UGT1A9: variants seen among roughly 807,000 people sequenced by gnomAD.
The protein encoded by UGT1A9 is UDP-glucuronosyltransferase 1A9.
A neutral mutation model predicts 45.0 loss-of-function variants in UGT1A9; 35 were observed. The ratio of observed to expected loss-of-function variants is 0.78; its 90% CI spans 0.59 to 1.03. The LOEUF (loss-of-function observed/expected upper bound fraction) is 1.03. UGT1A9 is among the 50% of genes least tolerant of loss of function. The pLI is 0.00. For missense variants in UGT1A9, 687 were observed against 666.6 expected (o/e 1.03, Z -0.34); for synonymous variants, 278 against 250.6 (o/e 1.11, Z -1.03).
Position 233,761,147 on chromosome 2 carries a change from C to A in UGT1A9, c.856-5887C>A. 1.9e-6 allele frequency: 3 copies of A among 1,614,204 alleles called. No individual in the cohort carries two copies. In the South Asian group the frequency reaches 3.3e-5, roughly 18 times the overall value. ...AACTGCCTTCACCAAAATCCACTATCCCAGGTGTGTATTGGAGTGGGACTT... is the reference window on the plus strand; with the variant it reads ...AACTGCCTTCACCAAAATCCACTATACCAGGTGTGTATTGGAGTGGGACTT... On this transcript the variant is annotated intron_variant, in intron 1 of 4. Transcript: ENST00000354728.
In UGT1A9 at chr2:233,724,604, G is replaced by C. The variant is rs1340979109; in HGVS notation, c.856-42430G>C. Among the ~76,000 whole-genome samples the C allele has an allele frequency of 2.3e-5, 3 of 132,728 alleles. 1 individual carries two copies. Among genetic ancestry groups the C allele is most frequent in the Non-Finnish European group, 4.8e-5 (3 of 62,762 alleles). 87.1% of individuals were successfully genotyped at this position (132,728 alleles called of 152,430 possible). On this transcript the variant is annotated intron_variant, in intron 1 of 4. Transcript: ENST00000354728. ...GCTCCCCACATCTCAGACGATGGGCGGCCGGGCAGAGACGCTCCTCACTTC... is the reference window on the plus strand; with the variant it reads ...GCTCCCCACATCTCAGACGATGGGCCGCCGGGCAGAGACGCTCCTCACTTC...
intron 1 of UGT1A9, chr2:233,719,556 G>A (rs1189539975): frequency 1.2e-6 from 2 of 1,613,900 alleles, no homozygotes; most frequent in South Asian, 2.2e-5. Flanking sequence ...GGTGTCAGTG[G>A]TGGATCTTGT....
At position 233,747,675 on chromosome 2, in the gene UGT1A9, T is replaced by A. The variant is rs1693747728; in HGVS notation, c.856-19359T>A. On this transcript the variant is annotated intron_variant, in intron 1 of 4. Transcript: ENST00000354728. ...CGATGTGGTTTTAATAGACCCAATTTACCTCTGTGGGGCAGTGCTGGCTAA... is the reference window on the plus strand; with the variant it reads ...CGATGTGGTTTTAATAGACCCAATTAACCTCTGTGGGGCAGTGCTGGCTAA... The A allele has an allele frequency of 8.1e-6, 13 of 1,605,742 alleles. No homozygotes were observed. The South Asian group carries it at 1.4e-4, about 18-fold the overall frequency.
At chr2:233,771,408 T>C (rs1454905857) in intron 4 of UGT1A9, 2 of 152,208 alleles carry the variant, frequency 1.3e-5, no homozygotes, top group Non-Finnish European at 2.9e-5. Context: ...ATGAACACTG[T>C]CCAGAATAAA....
chr2:233,752,759 A>G (rs942722882), intron 1 of UGT1A9, among the ~76,000 whole-genome samples: 3 of 152,242 alleles, frequency 2.0e-5, no homozygotes, highest in African/African-American at 7.2e-5. Context: ...ACAAACAAAC[A>G]AACAAACAAA....
intron 1 of UGT1A9, among the ~76,000 whole-genome samples, chr2:233,766,542 G>T (rs186130827): frequency 4.6e-5 from 7 of 152,298 alleles, no homozygotes; most frequent in African/African-American, 1.7e-4. Context: ...AAACAAAAAT[G>T]CCTGTCCTCA....
In UGT1A9 at chr2:233,772,415, C is replaced by T. The variant is rs142077822; in HGVS notation, c.1449C>T (p.Tyr483=). The T allele has an allele frequency of 1.4e-5, 22 of 1,614,112 alleles. No homozygotes were observed. The highest frequency in any genetic ancestry group is 1.9e-5 in the Non-Finnish European group (22 of 1,180,056). Residue 483 remains tyrosine (Y), a synonymous_variant, in exon 5 of 5, where the codon TAC becomes TAT. Transcript: ENST00000354728. ...PAAHDLTWYQ[Y]HSLDVIGFLL... ...CCCACGACCTCACCTGGTACCAGTA[C>T]CATTCCTTGGACGTGATTGGTTTCC...
chr2:233,695,554 A>T (rs1000632787), intron 1 of UGT1A9, among the ~76,000 whole-genome samples: 1 of 151,596 alleles, frequency 6.6e-6, no homozygotes, highest in African/African-American at 2.4e-5. Context: ...AATTTTAACC[A>T]ACCATTTTCA....
intron 1 of UGT1A9, chr2:233,682,369 A>G (rs746633275): frequency 6.8e-6 from 11 of 1,614,044 alleles, no homozygotes; most frequent in Non-Finnish European, 9.3e-6. Flanking sequence ...GTTTTGATGC[A>G]GTGTTTCTCG....
intron 1 of UGT1A9, among the ~76,000 whole-genome samples, chr2:233,689,656 TTCCTC>T (rs2074952512): frequency 6.6e-6 from 1 of 152,194 alleles, no homozygotes; most frequent in South Asian, 2.1e-4. Flanking sequence ...TGAGTGTGAC[TTCCTC>T]CAAGAACAAA....
At chr2:233,759,709 C>T (rs139134152) in intron 1 of UGT1A9, among the ~76,000 whole-genome samples, 6 of 151,084 alleles carry the variant, frequency 4.0e-5, no homozygotes, top group Non-Finnish European at 8.8e-5. Flanking sequence ...GGCGCGTGCT[C>T]GTGTGGTGGG....
chr2:233,772,283 C>T lies in UGT1A9; in HGVS notation c.1317C>T (p.Arg439=), dbSNP rs1700499600. Residue 439 remains arginine, a synonymous_variant, in exon 5 of 5, where the codon CGC becomes CGT. Coordinates refer to ENST00000354728, the MANE Select transcript of UGT1A9 (RefSeq NM_021027.3). ...TTAGTTACAAGGAGAACATCATGCG[C>T]CTCTCCAGCCTTCACAAGGACCGCC... is the stretch of plus-strand genomic sequence containing the variant. ...NDKSYKENIM[R]LSSLHKDRPV... 1 of 1,614,232 alleles carries T rather than the reference C, an allele frequency of 6.2e-7. No homozygotes were observed. The highest frequency in any genetic ancestry group is 8.5e-7 in the Non-Finnish European group (1 of 1,180,050).
At chr2:233,710,590 A>G (rs2076138016) in intron 1 of UGT1A9, among the ~76,000 whole-genome samples, 1 of 152,132 alleles carries the variant, frequency 6.6e-6, no homozygotes, top group Non-Finnish European at 1.5e-5. Flanking sequence ...TCTTCCGCAC[A>G]CCTTTATTGG....
At chr2:233,718,190 C>T (rs2076637077) in intron 1 of UGT1A9, among the ~76,000 whole-genome samples, 1 of 152,170 alleles carries the variant, frequency 6.6e-6, no homozygotes, top group African/African-American at 2.4e-5. Context: ...GCTCAGCCTC[C>T]CCGGAGCTTT....
At chr2:233,681,720 G>A (rs2074536062) in intron 1 of UGT1A9, among the ~76,000 whole-genome samples, 1 of 152,092 alleles carries the variant, frequency 6.6e-6, no homozygotes, top group Non-Finnish European at 1.5e-5. Context: ...CAAAGATGAT[G>A]AGTTACTCTT....
intron 1 of UGT1A9, chr2:233,756,329 T>A (rs934859836): frequency 6.6e-6 from 1 of 152,238 alleles, no homozygotes; most frequent in African/African-American, 2.4e-5. Flanking sequence ...TTTAAACCTC[T>A]AGTCATCTCT....
At chr2:233,689,976 G>A (rs1450034363) in intron 1 of UGT1A9, 1 of 453,954 alleles carries the variant, frequency 2.2e-6, no homozygotes, top group East Asian at 7.0e-5. Context: ...GAACCCACAG[G>A]CCCCTAAAAG....
At chr2:233,729,133 A>C (rs1363274885) in intron 1 of UGT1A9, 1 of 1,613,118 alleles carries the variant, frequency 6.2e-7, no homozygotes, top group Non-Finnish European at 8.5e-7. Flanking sequence ...TGAGATGGCC[A>C]CAGGACTCCA....
At chr2:233,764,893 C>A (rs1252796776) in intron 1 of UGT1A9, among the ~76,000 whole-genome samples, 1 of 150,656 alleles carries the variant, frequency 6.6e-6, no homozygotes, top group Non-Finnish European at 1.5e-5. Flanking sequence ...AAAGACAAAG[C>A]CCTTAAGAGC....
Sources: gnomAD v4.1 joint callset for allele counts (sites outside exome capture counted in the v4.1 genomes callset) on GRCh38, gnomAD v4.1.1 for gene constraint, MANE v1.5 for transcripts, NCBI Gene and HGNC (gene_info 2026-07-23, HGNC 2026-07-21) for gene names.